The following PRR16 variants were observed in gnomAD, a reference collection of about 807,000 sequenced individuals.
PRR16 encodes proline rich 16, also known as protein Largen.
Under a neutral mutation model 18.2 loss-of-function variants are expected in PRR16, and 6 were observed. The observed-to-expected ratio is 0.33, with a 90% CI of 0.18 to 0.65. The LOEUF (loss-of-function observed/expected upper bound fraction) is 0.65. Ranked by LOEUF, PRR16 falls within the 30% of genes least tolerant of loss-of-function variation. The pLI is 0.74. For synonymous variants in PRR16, 151 were observed against 147.8 expected, an observed-to-expected ratio of 1.02 and a Z score of -0.16; for missense variants, 412 against 376.6, an observed-to-expected ratio of 1.09 and a Z score of -0.78.
intron 1 of PRR16, among the ~76,000 whole-genome samples, chr5:120,637,404 A>G (rs1425848855): frequency 6.6e-6 from 1 of 151,338 alleles, no homozygotes; most frequent in East Asian, 1.9e-4. Flanking sequence ...AACCAGCCCA[A>G]ATTCCCATCA....
intron 1 of PRR16, among the ~76,000 whole-genome samples, chr5:120,674,317 T>C (rs2150149051): frequency 6.6e-6 from 1 of 152,326 alleles, no homozygotes; most frequent in African/African-American, 2.4e-5. Flanking sequence ...GCATCTCTTC[T>C]TTCTCGGATT....
chr5:120,698,928 G>A, the PRR16 span, among the ~76,000 whole-genome samples: 1 of 152,162 alleles, frequency 6.6e-6, no homozygotes, highest in Non-Finnish European at 1.5e-5. Flanking sequence ...TTATCAGACT[G>A]TACAGAGGTG....
At chr5:120,531,545 T>C (rs984802330) in intron 1 of PRR16, 1 of 152,116 alleles carries the variant, frequency 6.6e-6, no homozygotes, top group Non-Finnish European at 1.5e-5. Context: ...GCATGCATTC[T>C]CTAGCAGGTC....
chr5:120,707,012 C>T, the PRR16 span, among the ~76,000 whole-genome samples: 1 of 152,092 alleles, frequency 6.6e-6, no homozygotes, highest in East Asian at 1.9e-4. Flanking sequence ...GAATGGTTCC[C>T]AGATTGAGAA....
At chr5:120,729,116 TA>T in the PRR16 span, among the ~76,000 whole-genome samples, 21 of 152,238 alleles carry the variant, frequency 1.4e-4, no homozygotes, top group African/African-American at 5.1e-4. Context: ...TGTTACATTG[TA>T]AAACTTCCTC....
chr5:120,667,432 C>G (rs370782759), intron 1 of PRR16, among the ~76,000 whole-genome samples: 72 of 151,570 alleles, frequency 4.8e-4, no homozygotes, highest in Admixed American at 3.8e-3. Context: ...TTTTTTGAAG[C>G]GTTTTTTGTG....
the PRR16 span, among the ~76,000 whole-genome samples, chr5:120,736,562 T>TTG: frequency 6.8e-6 from 1 of 147,518 alleles, no homozygotes; most frequent in Non-Finnish European, 1.5e-5. Context: ...TTTTTTTTTT[T>TTG]TGACTATTTG....
At chr5:120,771,335 A>G in the PRR16 span, among the ~76,000 whole-genome samples, 5 of 152,138 alleles carry the variant, frequency 3.3e-5, no homozygotes, top group African/African-American at 9.6e-5. Flanking sequence ...TGCATTAGCA[A>G]CAACCCAAAC....
At chr5:120,468,987 G>C (rs556543518) in intron 1 of PRR16, among the ~76,000 whole-genome samples, 12 of 152,314 alleles carry the variant, frequency 7.9e-5, no homozygotes, top group Admixed American at 2.6e-4. Flanking sequence ...ATCACTCAGT[G>C]ACTGGATCTC....
the PRR16 span, among the ~76,000 whole-genome samples, chr5:120,725,943 C>A: frequency 6.6e-6 from 1 of 152,034 alleles, no homozygotes; most frequent in African/African-American, 2.4e-5. Flanking sequence ...ATTAATCCAT[C>A]CTCTCTGAGA....
At chr5:120,576,818 G>C (rs1753094195) in intron 1 of PRR16, among the ~76,000 whole-genome samples, 1 of 151,956 alleles carries the variant, frequency 6.6e-6, no homozygotes, top group Admixed American at 6.6e-5. Flanking sequence ...TCTACCATTG[G>C]CTCTCCTGGG....
the PRR16 span, among the ~76,000 whole-genome samples, chr5:120,693,000 T>C: frequency 2.0e-5 from 3 of 152,298 alleles, no homozygotes; most frequent in East Asian, 5.8e-4. Flanking sequence ...CTAAATGAAT[T>C]GTCCCCCAAA....
the PRR16 span, among the ~76,000 whole-genome samples, chr5:120,769,394 A>G: frequency 1.8e-3 from 270 of 151,872 alleles, 1 homozygote; most frequent in African/African-American, 6.2e-3. Flanking sequence ...CTCTTAATAA[A>G]TTTTGAAGGG....
the PRR16 span, among the ~76,000 whole-genome samples, chr5:120,765,722 C>T: frequency 1.3e-5 from 2 of 151,954 alleles, no homozygotes; most frequent in South Asian, 2.1e-4. Context: ...CATTGATATC[C>T]AGAAATAGAT....
intron 1 of PRR16, among the ~76,000 whole-genome samples, chr5:120,526,995 C>A (rs924805769): frequency 1.3e-5 from 2 of 152,130 alleles, no homozygotes; most frequent in African/African-American, 4.8e-5. Flanking sequence ...AAGCTTTATG[C>A]CCCGTGATTA....
chr5:120,751,791 G>C, the PRR16 span, among the ~76,000 whole-genome samples: 1 of 152,044 alleles, frequency 6.6e-6, no homozygotes, highest in Non-Finnish European at 1.5e-5. Context: ...GGACATCTTT[G>C]TAGGGGGTGG....
chr5:120,555,369 C>T (rs1251440982), intron 1 of PRR16, among the ~76,000 whole-genome samples: 1 of 151,882 alleles, frequency 6.6e-6, no homozygotes, highest in Admixed American at 6.6e-5. Context: ...AACCGTGTGG[C>T]TTAAGCAATG....
the PRR16 span, among the ~76,000 whole-genome samples, chr5:120,712,815 A>G: frequency 1.3e-5 from 2 of 152,154 alleles, no homozygotes; most frequent in Non-Finnish European, 1.5e-5. Context: ...CAAAAAGTCA[A>G]TTGATAATAA....
At chr5:120,574,536 A>AAATATAGAGAATTTAT (rs1753013029) in intron 1 of PRR16, among the ~76,000 whole-genome samples, 3 of 149,772 alleles carry the variant, frequency 2.0e-5, no homozygotes, top group Admixed American at 6.6e-5. Context: ...CCCGAGAGGC[A>AAATATAGAGAATTTAT]GAGGTTGCAG....
Sources: gnomAD v4.1 joint callset for allele counts (sites outside exome capture counted in the v4.1 genomes callset) on GRCh38, gnomAD v4.1.1 for gene constraint, MANE v1.5 for transcripts, NCBI Gene and HGNC (gene_info 2026-07-23, HGNC 2026-07-21) for gene names.